The following INTS3 variants were observed in gnomAD, a reference collection of about 807,000 sequenced individuals.
INTS3 encodes SOSS complex subunit A.
In INTS3, 34 loss-of-function variants were observed where a neutral mutation model predicts 146.3. That is an observed-to-expected ratio of 0.23 (90% CI 0.18 to 0.31). The LOEUF (loss-of-function observed/expected upper bound fraction) is 0.31, where lower values mean the gene tolerates loss of function less well. INTS3 is among the 10% of genes least tolerant of loss of function. The pLI is 1.00. For synonymous variants in INTS3, 475 were observed against 494.9 expected (o/e 0.96, Z 0.53); for missense variants, 757 against 1,304.2 (o/e 0.58, Z 6.46).
At chr1:153,755,326 C>T (rs1351843234) in intron 9 of INTS3, among the ~76,000 whole-genome samples, 4 of 152,088 alleles carry the variant, frequency 2.6e-5, no homozygotes, top group Admixed American at 6.6e-5. Flanking sequence ...TGCAGTGGCG[C>T]GATCTCGGCT....
chr1:153,734,299 G>T (rs1671204453), intron 1 of INTS3, among the ~76,000 whole-genome samples: 1 of 152,160 alleles, frequency 6.6e-6, no homozygotes, highest in African/African-American at 2.4e-5. Context: ...GCTTCCTGTG[G>T]CTTTCTTTGA....
At chr1:153,751,491 T>G (rs561518345) in intron 7 of INTS3, among the ~76,000 whole-genome samples, 10 of 152,340 alleles carry the variant, frequency 6.6e-5, no homozygotes, top group African/African-American at 1.9e-4. Context: ...AGGATACTGT[T>G]GTATACCACA....
At chr1:153,732,152 C>A (rs1331261460) in intron 1 of INTS3, among the ~76,000 whole-genome samples, 2 of 152,062 alleles carry the variant, frequency 1.3e-5, no homozygotes, top group Non-Finnish European at 2.9e-5. Flanking sequence ...ATCCACCTGC[C>A]TTGGCCTTCC....
rs995568333 is a variant in INTS3, at chr1:153,757,704, C to T, written c.1090C>T (p.Leu364=). ...GGTAGTCCACCCTTCTAATGAAGTA[C>T]TGAGTTCAGATATCTTGCCCCGGTG... ...CGVVHPSNEV[L]SSDILPRWAI... is the part of the protein sequence containing the mutation. Residue 364 remains leucine, a synonymous_variant, in exon 10 of 30, where the codon CTG becomes TTG. Transcript: ENST00000318967. The surrounding 1 kb of genome is among the most constrained non-coding windows in gnomAD (Gnocchi z 4.0). The T allele has an allele frequency of 1.2e-6, 2 of 1,614,148 alleles. No individual in the cohort carries two copies. Among genetic ancestry groups the T allele is most frequent in the Non-Finnish European group, 1.7e-6 (2 of 1,180,026 alleles).
rs777134962 is a variant in INTS3, at chr1:153,757,532, C to T, written c.958-40C>T. The T allele has an allele frequency of 6.3e-7, 1 of 1,588,776 alleles. No homozygotes were observed. Among genetic ancestry groups the T allele is most frequent in the Admixed American group, 1.7e-5 (1 of 59,576 alleles). On this transcript the variant is annotated intron_variant, in intron 9 of 29. Transcript: ENST00000318967. The surrounding 1 kb of genome is among the most constrained non-coding windows in gnomAD (Gnocchi z 4.0). ...TTTTCCTCTGGCCAAGGACCCCACA[C>T]TGTCTTCTAAGGTCTTTTTCTTGCT... is the stretch of plus-strand genomic sequence containing the variant.
chr1:153,765,647 G>A (rs1323599683), intron 20 of INTS3, among the ~76,000 whole-genome samples: 2 of 151,926 alleles, frequency 1.3e-5, no homozygotes, highest in Non-Finnish European at 2.9e-5. Flanking sequence ...TCAGCTCACT[G>A]CAACTTCCAC....
At chr1:153,750,233 G>A (rs539521300) in intron 6 of INTS3, among the ~76,000 whole-genome samples, 1 of 152,322 alleles carries the variant, frequency 6.6e-6, no homozygotes, top group African/African-American at 2.4e-5. Context: ...CTTCCAACAG[G>A]GGGGCCAAAG....
At position 153,773,351 on chromosome 1, in the gene INTS3, A is replaced by G. The variant is rs909598489; in HGVS notation, c.*81A>G. The G allele has an allele frequency of 7.7e-7, 1 of 1,302,738 alleles. No homozygotes were observed. The highest frequency in any genetic ancestry group is 1.7e-5 in the Admixed American group (1 of 58,710). The allele number at this position is 1,302,738 out of a possible 1,614,324, so 80.7% of individuals were successfully genotyped here. On this transcript the variant is annotated 3_prime_UTR_variant, in exon 30 of 30. Coordinates refer to ENST00000318967, the MANE Select transcript of INTS3 (RefSeq NM_023015.5). ...TCAAAGGTTAATAGAGGCTGAGGAG[A>G]TTGCAGGGGAAACACCCTTGCTGCA...
At chr1:153,741,647 G>C (rs1022460668) in intron 3 of INTS3, among the ~76,000 whole-genome samples, 6 of 152,188 alleles carry the variant, frequency 3.9e-5, no homozygotes. Context: ...AAAGGGTTGG[G>C]ATTAAATCCA....
intron 1 of INTS3, among the ~76,000 whole-genome samples, chr1:153,739,961 C>G (rs1017022931): frequency 1.3e-5 from 2 of 150,352 alleles, no homozygotes; most frequent in Non-Finnish European, 3.0e-5. Flanking sequence ...CCACCATGCC[C>G]GGCTAATTTT....
At position 153,728,136 on chromosome 1, in the gene INTS3, T is replaced by C. The variant is rs564172060; in HGVS notation, c.-499T>C. On this transcript the variant is annotated 5_prime_UTR_variant, in exon 1 of 30. Transcript: ENST00000318967. ...CCTCCCCGTCCTCCCATAGCGCTTA[T>C]TGCCTCACCCTCACCCCCTAGGGGC... 5.4e-6 allele frequency: 2 copies of C among 368,220 alleles called. No individual in the cohort carries two copies. Among genetic ancestry groups the C allele is most frequent in the South Asian group, 1.3e-4 (1 of 7,586 alleles). The allele number at this position is 368,220 out of a possible 1,614,324, so 22.8% of individuals were successfully genotyped here.
At chr1:153,762,588 G>C in intron 14 of INTS3, 140 bp from the exon 15 acceptor site, 1 of 1,006,252 alleles carries the variant, frequency 9.9e-7, no homozygotes, top group East Asian at 2.6e-5. Flanking sequence ...CAAGAGGTTT[G>C]TCCTCCCAGG....
chr1:153,760,856 G>A lies in INTS3; in HGVS notation c.1347G>A (p.Glu449=), dbSNP rs1319740533. The A allele has an allele frequency of 6.2e-7, 1 of 1,613,978 alleles. No individual in the cohort carries two copies. Among genetic ancestry groups the A allele is most frequent in the Admixed American group, 1.7e-5 (1 of 59,998 alleles). The part of the protein sequence containing the change: ...RIIPNFYPPL[E]GHVRQGVFSS... ...TTCCCAACTTCTATCCACCATTGGA[G>A]GGCCACGTGCGGCAGGGTGTCTTTT... Residue 449 remains glutamate, a synonymous_variant, in exon 13 of 30, where the codon GAG becomes GAA. Transcript: ENST00000318967.
chr1:153,759,776 G>T (rs1392364110), intron 11 of INTS3, 163 bp downstream of exon 11: 2 of 612,394 alleles, frequency 3.3e-6, no homozygotes, highest in East Asian at 5.4e-5. Flanking sequence ...CCTAGAAAGA[G>T]AATTGCTTTG....
chr1:153,735,641 T>TC (rs564365271), intron 1 of INTS3, among the ~76,000 whole-genome samples: 1 of 152,152 alleles, frequency 6.6e-6, no homozygotes, highest in Non-Finnish European at 1.5e-5. Flanking sequence ...GTACAGGGCT[T>TC]CCCCCAGATC....
intron 23 of INTS3, 152 bp from the exon 24 acceptor site, chr1:153,770,046 T>C (rs1005646477): frequency 5.0e-6 from 3 of 603,090 alleles, no homozygotes; most frequent in South Asian, 1.7e-5. Context: ...GTGCTGGTAG[T>C]CAGTGGATTG....
chr1:153,732,243 T>C (rs1209385098), intron 1 of INTS3, among the ~76,000 whole-genome samples: 5 of 152,082 alleles, frequency 3.3e-5, no homozygotes, highest in Non-Finnish European at 7.4e-5. Flanking sequence ...CAGGGTTGCA[T>C]TTGGTTAGAG....
intron 11 of INTS3, 66 bp from the exon 12 acceptor site, chr1:153,760,232 CAAAAAAAAAAAAA>C (rs58951043): frequency 3.8e-5 from 15 of 395,420 alleles, no homozygotes; most frequent in Admixed American, 9.2e-5. Context: ...GACTCTGTTT[CAAAAAAAAAAAAA>C]AAAAAAAAAA....
chr1:153,754,789 T>G (rs1406969620), intron 9 of INTS3, 50 bp downstream of exon 9: 1 of 1,201,704 alleles, frequency 8.3e-7, no homozygotes. Context: ...TGGCTGGGCT[T>G]CTTGCTTCGG....
Sources: allele counts gnomAD v4.1 joint callset (sites outside exome capture counted in the v4.1 genomes callset), GRCh38; gene constraint gnomAD v4.1.1; non-coding constraint Gnocchi (gnomAD v3.1); transcripts MANE v1.5; gene names NCBI Gene and HGNC (gene_info 2026-07-23, HGNC 2026-07-21).